SCAMP1: variants seen among roughly 807,000 people sequenced by gnomAD.
SCAMP1 encodes secretory carrier membrane protein 1, also known as secretory carrier-associated membrane protein 1.
Under a neutral mutation model 41.8 loss-of-function variants are expected in SCAMP1, and 15 were observed. The observed-to-expected ratio is 0.36, with a 90% CI of 0.24 to 0.55. The LOEUF (loss-of-function observed/expected upper bound fraction) is 0.55. Ranked by LOEUF, SCAMP1 falls within the 20% of genes least tolerant of loss-of-function variation. The pLI is 0.86. For missense variants in SCAMP1, 341 were observed against 412.6 expected, an observed-to-expected ratio of 0.83 and a Z score of 1.50; for synonymous variants, 135 against 136.8, an observed-to-expected ratio of 0.99 and a Z score of 0.09.
intron 2 of SCAMP1, among the ~76,000 whole-genome samples, chr5:78,402,726 T>C (rs2112112478): frequency 6.6e-6 from 1 of 152,352 alleles, no homozygotes; most frequent in Middle Eastern, 3.4e-3. Flanking sequence ...TTGGGTCTTG[T>C]TTTTTGATCA....
At chr5:78,423,343 A>G (rs184810561) in intron 6 of SCAMP1, among the ~76,000 whole-genome samples, 13 of 152,314 alleles carry the variant, frequency 8.5e-5, no homozygotes, top group East Asian at 3.9e-4. Context: ...TGAAAGGAAC[A>G]TAGTTACTCC....
intron 4 of SCAMP1, among the ~76,000 whole-genome samples, chr5:78,417,831 A>T (rs968872124): frequency 6.6e-6 from 1 of 152,202 alleles, no homozygotes; most frequent in Non-Finnish European, 1.5e-5. Context: ...TTTGAATAGT[A>T]TGATAAATGG....
chr5:78,452,338 C>A (rs1249168141), intron 7 of SCAMP1, among the ~76,000 whole-genome samples: 3 of 128,548 alleles, frequency 2.3e-5, no homozygotes, highest in East Asian at 5.2e-4. Context: ...TCCCCCCTCC[C>A]TCCCCCCACC....
At chr5:78,407,074 T>A (rs1751953625) in intron 2 of SCAMP1, among the ~76,000 whole-genome samples, 1 of 152,218 alleles carries the variant, frequency 6.6e-6, no homozygotes, top group Non-Finnish European at 1.5e-5. Context: ...TCCCTGCCAA[T>A]AGGTTGGCTT....
At chr5:78,460,777 C>T (rs1425928236) in intron 8 of SCAMP1, among the ~76,000 whole-genome samples, 11 of 41,190 alleles carry the variant, frequency 2.7e-4, no homozygotes, top group East Asian at 1.5e-3. Context: ...TCCTTCCTTC[C>T]TTCCTTCCTT....
At chr5:78,441,207 C>A (rs984639784) in intron 6 of SCAMP1, among the ~76,000 whole-genome samples, 2 of 152,188 alleles carry the variant, frequency 1.3e-5, no homozygotes, top group Admixed American at 1.3e-4. Flanking sequence ...GTGGGTGGCA[C>A]CCACTGTCCA....
intron 2 of SCAMP1, among the ~76,000 whole-genome samples, chr5:78,412,019 A>G (rs1021722529): frequency 5.3e-5 from 8 of 151,854 alleles, no homozygotes; most frequent in Non-Finnish European, 1.2e-4. Flanking sequence ...AATTTTTTGT[A>G]TGTTTATTTT....
Position 78,388,898 on chromosome 5 carries a change from T to A in SCAMP1, c.119T>A (p.Phe40Tyr). The change falls in exon 2 of 9, where the codon TTC (phenylalanine) becomes TAC (tyrosine). Residue 40 changes from phenylalanine to tyrosine, a missense_variant. Coordinates refer to ENST00000621999, the MANE Select transcript of SCAMP1 (RefSeq NM_004866.6). The part of the protein sequence containing the change: ...VPPGLDEYNP[F>Y]SDSRTPPPGG... ...CCAGGACTTGATGAATATAATCCAT[T>A]CTCGGATTCTAGAACAGTAAGATTA... 1 of 1,523,148 alleles carries A rather than the reference T, an allele frequency of 6.6e-7. No individual in the cohort carries two copies. Among genetic ancestry groups the A allele is most frequent in the Non-Finnish European group, 9.1e-7 (1 of 1,104,834 alleles). The allele number at this position is 1,523,148 out of a possible 1,614,324, so 94.4% of individuals were successfully genotyped here. A position where few individuals can be genotyped will look rare whatever the true frequency, so the allele number is the denominator to read the frequency against.
chr5:78,467,536 A>G (rs951198774), intron 8 of SCAMP1, among the ~76,000 whole-genome samples: 1 of 152,206 alleles, frequency 6.6e-6, no homozygotes, highest in Non-Finnish European at 1.5e-5. Context: ...ACTTTCTCGA[A>G]TAAAAGTATT....
At chr5:78,423,744 T>G (rs1752397889) in intron 6 of SCAMP1, among the ~76,000 whole-genome samples, 1 of 152,200 alleles carries the variant, frequency 6.6e-6, no homozygotes, top group Non-Finnish European at 1.5e-5. Flanking sequence ...TGTGGCATTA[T>G]TGATCCCTAG....
chr5:78,399,022 T>G (rs1751733893), intron 2 of SCAMP1, among the ~76,000 whole-genome samples: 1 of 152,208 alleles, frequency 6.6e-6, no homozygotes, highest in South Asian at 2.1e-4. Flanking sequence ...TTTTACTGTC[T>G]CCATAGTTTT....
chr5:78,458,239 A>C (rs1238345900), intron 7 of SCAMP1, among the ~76,000 whole-genome samples: 1 of 152,184 alleles, frequency 6.6e-6, no homozygotes, highest in Non-Finnish European at 1.5e-5. Context: ...AGAAACAGAC[A>C]AACTGTTCTC....
intron 1 of SCAMP1, among the ~76,000 whole-genome samples, chr5:78,382,796 T>C (rs962594280): frequency 3.1e-4 from 40 of 129,594 alleles, no homozygotes; most frequent in African/African-American, 1.1e-3. Flanking sequence ...TGTGTGTGTG[T>C]GTGTGTGTGT....
chr5:78,423,844 A>C (rs969404397), intron 6 of SCAMP1, among the ~76,000 whole-genome samples: 23 of 100,254 alleles, frequency 2.3e-4, no homozygotes, highest in Middle Eastern at 5.8e-3. Flanking sequence ...AAATGAGAGG[A>C]ATACTTTTTT....
chr5:78,367,730 A>T (rs1438291011), intron 1 of SCAMP1, among the ~76,000 whole-genome samples: 1 of 152,258 alleles, frequency 6.6e-6, no homozygotes, highest in African/African-American at 2.4e-5. Context: ...AGGTAGTCGT[A>T]GGATAACTTC....
intron 1 of SCAMP1, among the ~76,000 whole-genome samples, chr5:78,387,431 A>G (rs2112082647): frequency 6.6e-6 from 1 of 151,438 alleles, no homozygotes; most frequent in East Asian, 1.9e-4. Flanking sequence ...GATCGGCTTA[A>G]AAGTTGACCT....
intron 1 of SCAMP1, among the ~76,000 whole-genome samples, chr5:78,387,378 T>TTA (rs1554041762): frequency 7.0e-6 from 1 of 142,802 alleles, no homozygotes; most frequent in African/African-American, 2.6e-5. Context: ...TTTTTTTTTT[T>TTA]AATTTCTTTA....
chr5:78,392,179 A>G (rs993608417), intron 2 of SCAMP1, among the ~76,000 whole-genome samples: 14 of 152,166 alleles, frequency 9.2e-5, no homozygotes, highest in Non-Finnish European at 7.4e-5. Context: ...GCAGCTTTAG[A>G]TTACTCTTAT....
chr5:78,460,223 G>A (rs1753549850), intron 8 of SCAMP1, among the ~76,000 whole-genome samples: 1 of 152,154 alleles, frequency 6.6e-6, no homozygotes, highest in South Asian at 2.1e-4. Flanking sequence ...TATGAGTGCA[G>A]GTGTCTTTTT....
Sources: allele counts gnomAD v4.1 joint callset (sites outside exome capture counted in the v4.1 genomes callset), GRCh38; gene constraint gnomAD v4.1.1; transcripts MANE v1.5; gene names NCBI Gene and HGNC (gene_info 2026-07-23, HGNC 2026-07-21).